KCNN2: variants seen among roughly 807,000 people sequenced by gnomAD.
KCNN2 encodes potassium calcium-activated channel subfamily N member 2, also known as small conductance calcium-activated potassium channel protein 2.
KCNN2 carries 24 observed loss-of-function variants against 55.5 expected under a neutral mutation model. That is an observed-to-expected ratio of 0.43 (90% CI 0.31 to 0.61). The LOEUF is 0.61. Among genes scored for constraint, KCNN2 ranks in the 20% least tolerant of loss-of-function variants. The pLI, the probability that KCNN2 is intolerant of heterozygous loss-of-function variation, is 0.08. For synonymous variants in KCNN2, 431 were observed against 336.1 expected (o/e 1.28, Z -3.09); for missense variants, 754 against 853.6 (o/e 0.88, Z 1.45).
chr5:114,329,939 T>A (rs771760191), intron 2 of KCNN2, among the ~76,000 whole-genome samples: 2 of 152,144 alleles, frequency 1.3e-5, no homozygotes, highest in Non-Finnish European at 2.9e-5. Flanking sequence ...ACAGTCTTTC[T>A]CTGCAGGCCA....
intron 1 of KCNN2, among the ~76,000 whole-genome samples, chr5:114,175,143 A>G (rs922463658): frequency 6.6e-6 from 1 of 152,204 alleles, no homozygotes; most frequent in Non-Finnish European, 1.5e-5. Context: ...TTTTCTAAAA[A>G]GATTAGAATG....
At chr5:114,068,274 C>A (rs1012092200) in intron 1 of KCNN2, among the ~76,000 whole-genome samples, 1 of 152,282 alleles carries the variant, frequency 6.6e-6, no homozygotes, top group Admixed American at 6.5e-5. Flanking sequence ...CTGAATATTT[C>A]ATAAACTCAT....
chr5:114,136,354 G>A (rs995652822), intron 1 of KCNN2, among the ~76,000 whole-genome samples: 1 of 152,150 alleles, frequency 6.6e-6, no homozygotes, highest in Non-Finnish European at 1.5e-5. Flanking sequence ...TCTGCCATGG[G>A]ATGATGCAAC....
At chr5:114,132,000 C>G (rs967542528) in intron 1 of KCNN2, among the ~76,000 whole-genome samples, 3 of 151,862 alleles carry the variant, frequency 2.0e-5, no homozygotes, top group Non-Finnish European at 4.4e-5. Context: ...GTAAATTTGT[C>G]TAAGTTCCTT....
At chr5:114,243,186 A>G (rs1754679051) in intron 2 of KCNN2, among the ~76,000 whole-genome samples, 1 of 152,204 alleles carries the variant, frequency 6.6e-6, no homozygotes, top group Non-Finnish European at 1.5e-5. Context: ...AGCCATTTTA[A>G]GTTCTCAGAG....
chr5:114,233,216 G>A (rs1278866881), intron 2 of KCNN2, among the ~76,000 whole-genome samples: 3 of 151,858 alleles, frequency 2.0e-5, no homozygotes, highest in African/African-American at 4.8e-5. Context: ...CACCGCGCCC[G>A]GCCTATTGTT....
intron 6 of KCNN2, among the ~76,000 whole-genome samples, chr5:114,489,640 G>C (rs1747752926): frequency 6.6e-6 from 1 of 152,158 alleles, no homozygotes; most frequent in Admixed American, 6.6e-5. Flanking sequence ...AAGTGTAACT[G>C]AGTACGTTTA....
At chr5:114,407,746 G>T (rs768252176) in intron 3 of KCNN2, among the ~76,000 whole-genome samples, 3 of 152,198 alleles carry the variant, frequency 2.0e-5, no homozygotes, top group Non-Finnish European at 4.4e-5. Context: ...TGAGGTGACA[G>T]CGTCTTGGGA....
chr5:114,473,994 T>G (rs1761863189), intron 5 of KCNN2, among the ~76,000 whole-genome samples: 1 of 152,178 alleles, frequency 6.6e-6, no homozygotes, highest in Non-Finnish European at 1.5e-5. Context: ...AAAAAATTAT[T>G]TTATAGTAGA....
intron 2 of KCNN2, among the ~76,000 whole-genome samples, chr5:114,385,897 G>C (rs1022664810): frequency 6.6e-6 from 1 of 151,764 alleles, no homozygotes; most frequent in African/African-American, 2.4e-5. Context: ...TAGGTATTAA[G>C]GCCGGGCGCA....
At chr5:114,238,141 G>A (rs1026987884) in intron 2 of KCNN2, among the ~76,000 whole-genome samples, 4 of 152,170 alleles carry the variant, frequency 2.6e-5, no homozygotes, top group Non-Finnish European at 5.9e-5. Flanking sequence ...CAGAAGGGCA[G>A]AGTGATCACA....
chr5:114,161,578 A>G (rs182524617), intron 1 of KCNN2, among the ~76,000 whole-genome samples: 5 of 152,246 alleles, frequency 3.3e-5, no homozygotes, highest in African/African-American at 1.2e-4. Context: ...GTTTTTCTGG[A>G]TAATATCCTG....
chr5:114,479,228 A>AG (rs1001567975), intron 5 of KCNN2, among the ~76,000 whole-genome samples: 6 of 149,842 alleles, frequency 4.0e-5, no homozygotes, highest in Non-Finnish European at 8.9e-5. Context: ...GAAAACTATA[A>AG]AAAAAAAAAA....
chr5:114,407,794 C>G (rs1002612119), intron 3 of KCNN2, among the ~76,000 whole-genome samples: 1 of 152,218 alleles, frequency 6.6e-6, no homozygotes, highest in Non-Finnish European at 1.5e-5. Context: ...TCAACAGTTA[C>G]TATGCAAGCA....
At chr5:114,182,837 C>T (rs1753265357) in intron 1 of KCNN2, among the ~76,000 whole-genome samples, 1 of 151,926 alleles carries the variant, frequency 6.6e-6, no homozygotes, top group African/African-American at 2.4e-5. Context: ...TTCTTTATTT[C>T]TGTTTGCTTG....
rs759730265 is a variant in KCNN2, at chr5:114,363,079, G to A, written c.940G>A (p.Gly314Ser). 6 of 1,610,812 alleles carry A rather than the reference G, an allele frequency of 3.7e-6. No individual in the cohort carries two copies. In the Admixed American group the frequency reaches 1.0e-4, roughly 27 times the overall value. The change falls in exon 1 of 8, where the codon GGC becomes AGC. Residue 314 changes from glycine (G) to serine (S), a missense_variant. Physicochemically the swap from Gly to Ser is moderately conservative, Grantham distance 56 (BLOSUM62 0). This residue lies in a region of KCNN2 where 381 missense variants were observed against 259.1 expected (regional missense o/e 1.47). Coordinates refer to ENST00000673685, the MANE Select transcript of KCNN2 (RefSeq NM_021614.4). ...GGGGGGGSGH[G>S]SSSGTKSSKK... ...CGGCGGCGGTGGCGGGAGCGGGCACGGCAGCAGCAGTGGCACCAAGTCCAG... is the reference window on the plus strand; with the variant it reads ...CGGCGGCGGTGGCGGGAGCGGGCACAGCAGCAGCAGTGGCACCAAGTCCAG...
At chr5:114,193,479 G>T (rs967489490) in intron 1 of KCNN2, among the ~76,000 whole-genome samples, 77 of 152,248 alleles carry the variant, frequency 5.1e-4, no homozygotes, top group Non-Finnish European at 9.7e-4. Flanking sequence ...ACAGATAATA[G>T]TGTTCCAACA....
intron 1 of KCNN2, among the ~76,000 whole-genome samples, chr5:114,074,226 G>A (rs574228782): frequency 1.3e-5 from 2 of 151,694 alleles, no homozygotes; most frequent in Non-Finnish European, 2.9e-5. Flanking sequence ...CTCTACCAAA[G>A]TATCTCTCTT....
chr5:114,362,632 C>G lies in KCNN2; in HGVS notation c.493C>G (p.Pro165Ala). 8.5e-7 allele frequency: 1 copy of G among 1,169,738 alleles called. No individual in the cohort carries two copies. Among genetic ancestry groups the G allele is most frequent in the East Asian group, 2.7e-5 (1 of 36,894 alleles). The allele number at this position is 1,169,738 out of a possible 1,614,324, so 72.5% of individuals were successfully genotyped here. ...GTACCACCAGTGCCACAGCCTGCAG[C>G]CCGCCGCCAGCCCCACGGGCAGCCT... ...SQYHQCHSLQ[P>A]AASPTGSLGS... Residue 165 changes from proline to alanine, a missense_variant, in exon 1 of 8, where the codon CCC (proline) becomes GCC (alanine). By Grantham distance (27) the Pro-to-Ala change is conservative. This residue lies in a region of KCNN2 where 381 missense variants were observed against 259.1 expected (regional missense o/e 1.47). Coordinates refer to ENST00000673685, the MANE Select transcript of KCNN2 (RefSeq NM_021614.4).
Sources: allele counts gnomAD v4.1 joint callset (sites outside exome capture counted in the v4.1 genomes callset), GRCh38; gene constraint gnomAD v4.1.1; regional missense constraint gnomAD v4.1.1; transcripts MANE v1.5; gene names NCBI Gene and HGNC (gene_info 2026-07-23, HGNC 2026-07-21).